KCNAB1: variants seen among roughly 807,000 people sequenced by gnomAD.
The protein encoded by KCNAB1 is potassium voltage-gated channel subfamily A regulatory beta subunit 1.
In KCNAB1, 35 loss-of-function variants were observed where a neutral mutation model predicts 64.6. The ratio of observed to expected loss-of-function variants is 0.54; its 90% CI spans 0.41 to 0.72. The LOEUF is 0.72. KCNAB1 is among the 30% of genes least tolerant of loss of function. The pLI, the probability that KCNAB1 is intolerant of heterozygous loss-of-function variation, is 0.00. For missense variants in KCNAB1, 401 were observed against 512.9 expected, an observed-to-expected ratio of 0.78 and a Z score of 2.11; for synonymous variants, 177 against 183.8, an observed-to-expected ratio of 0.96 and a Z score of 0.30.
intron 1 of KCNAB1, among the ~76,000 whole-genome samples, chr3:156,383,307 G>A (rs747877610): frequency 2.6e-5 from 4 of 152,166 alleles, no homozygotes; most frequent in Non-Finnish European, 4.4e-5. Flanking sequence ...AACATTTCCT[G>A]CCACTAGAAT....
rs116134923 is a variant in KCNAB1 at position 156,213,533 on chromosome 3, C to T, written c.275+92647C>T. Among the ~76,000 whole-genome samples the T allele has an allele frequency of 7.2e-3, 1,097 of 152,216 alleles. 18 individuals are homozygous for T. Among genetic ancestry groups the T allele is most frequent in the African/African-American group, 0.026 (1,078 of 41,530 alleles). ...TCAGCCTTTTTCCCTTTCTTAAGCT[C>T]CATCTCTAATAAGTTGCAAGATTCT... On this transcript the variant is annotated intron_variant, in intron 1 of 13. Transcript: ENST00000490337.
chr3:156,206,782 G>A (rs899957829), intron 1 of KCNAB1, among the ~76,000 whole-genome samples: 6 of 152,054 alleles, frequency 3.9e-5, no homozygotes, highest in African/African-American at 1.4e-4. Context: ...TTTTCTGCTT[G>A]GCTATGTAAG....
intron 1 of KCNAB1, among the ~76,000 whole-genome samples, chr3:156,206,970 A>G (rs971109725): frequency 3.3e-5 from 5 of 152,216 alleles, no homozygotes; most frequent in African/African-American, 1.2e-4. Flanking sequence ...AGGACGTGAC[A>G]TTGTCTGTCC....
intron 1 of KCNAB1, among the ~76,000 whole-genome samples, chr3:156,308,025 A>C (rs1721626208): frequency 6.6e-6 from 1 of 152,222 alleles, no homozygotes; most frequent in South Asian, 2.1e-4. Context: ...AAACAAGTAA[A>C]TGTTTAGCAT....
chr3:156,462,737 A>C (rs893835532), intron 5 of KCNAB1, among the ~76,000 whole-genome samples: 9 of 152,300 alleles, frequency 5.9e-5, no homozygotes, highest in African/African-American at 1.9e-4. Flanking sequence ...TAAACGCCTT[A>C]TTTCAAGCGC....
intron 1 of KCNAB1, among the ~76,000 whole-genome samples, chr3:156,134,547 A>T (rs557109313): frequency 6.6e-6 from 1 of 152,228 alleles, no homozygotes; most frequent in Non-Finnish European, 1.5e-5. Context: ...GTTGTGTTTT[A>T]TCTGGAAAGG....
intron 8 of KCNAB1, among the ~76,000 whole-genome samples, chr3:156,502,532 C>CCACACACACACA (rs60469602): frequency 2.1e-5 from 3 of 142,914 alleles, no homozygotes; most frequent in South Asian, 2.2e-4. Flanking sequence ...TACCTTACAA[C>CCACACACACACA]CACACACACA....
intron 1 of KCNAB1, among the ~76,000 whole-genome samples, chr3:156,261,910 A>G (rs1362949671): frequency 6.6e-6 from 1 of 152,006 alleles, no homozygotes; most frequent in Non-Finnish European, 1.5e-5. Context: ...AACGTTTTGT[A>G]GTAATCAGTA....
At chr3:156,517,826 AC>A (rs1392129511) in intron 11 of KCNAB1, among the ~76,000 whole-genome samples, 2 of 152,244 alleles carry the variant, frequency 1.3e-5, no homozygotes, top group Non-Finnish European at 2.9e-5. Context: ...TGAGAGGCAG[AC>A]CATTTTCAGA....
chr3:156,270,697 T>C (rs1251979348), intron 1 of KCNAB1, among the ~76,000 whole-genome samples: 2 of 152,256 alleles, frequency 1.3e-5, no homozygotes, highest in Non-Finnish European at 2.9e-5. Context: ...CATCTTTTCA[T>C]CTTTCTACTT....
At chr3:156,476,530 C>CAA (rs1270523889) in intron 8 of KCNAB1, among the ~76,000 whole-genome samples, 1 of 149,388 alleles carries the variant, frequency 6.7e-6, no homozygotes, top group East Asian at 2.0e-4. Flanking sequence ...TATACACACA[C>CAA]ACACACACAC....
In KCNAB1 at chr3:156,469,038, C is replaced by T. The variant is rs78723613; in HGVS notation, c.571+3352C>T. ...GCAGCAGTATGTTTCCCGAAAAGTT[C>T]TTGTTTTTTGTTCTTTTCTTTTTAA... On this transcript the variant is annotated intron_variant, in intron 7 of 13. Coordinates refer to ENST00000490337, the MANE Select transcript of KCNAB1 (RefSeq NM_172160.3). Among the ~76,000 whole-genome samples the T allele has an allele frequency of 9.7e-3, 1,472 of 152,216 alleles. 36 individuals are homozygous for T. The highest frequency in any genetic ancestry group is 0.034 in the African/African-American group (1,420 of 41,530).
chr3:156,445,469 G>A (rs997066627), intron 2 of KCNAB1, among the ~76,000 whole-genome samples: 1 of 152,334 alleles, frequency 6.6e-6, no homozygotes, highest in South Asian at 2.1e-4. Context: ...GGGGTGTGGT[G>A]AGGAATCAGG....
At chr3:156,336,684 G>A (rs537680301) in intron 1 of KCNAB1, among the ~76,000 whole-genome samples, 18 of 152,116 alleles carry the variant, frequency 1.2e-4, no homozygotes, top group Non-Finnish European at 2.2e-4. Context: ...AGATTCTAAG[G>A]GAGTGTTCTT....
intron 1 of KCNAB1, among the ~76,000 whole-genome samples, chr3:156,329,810 C>T (rs1278040028): frequency 5.3e-5 from 8 of 152,190 alleles, no homozygotes. Flanking sequence ...GTAGACACAA[C>T]TCTCCTTTGA....
intron 1 of KCNAB1, among the ~76,000 whole-genome samples, chr3:156,377,433 G>A (rs1711761673): frequency 6.6e-6 from 1 of 152,130 alleles, no homozygotes; most frequent in African/African-American, 2.4e-5. Flanking sequence ...GGGGAAGAAT[G>A]CCAGGCCAGG....
At chr3:156,403,892 T>TAAAAAAAAA (rs200824639) in intron 1 of KCNAB1, among the ~76,000 whole-genome samples, 2 of 136,840 alleles carry the variant, frequency 1.5e-5, no homozygotes, top group Admixed American at 7.3e-5. Flanking sequence ...AGACTCTGCC[T>TAAAAAAAAA]AAAAAAAAAA....
At position 156,181,616 on chromosome 3, in the gene KCNAB1, G is replaced by A. The variant is rs118112068; in HGVS notation, c.275+60730G>A. On this transcript the variant is annotated intron_variant, in intron 1 of 13. Coordinates refer to ENST00000490337, the MANE Select transcript of KCNAB1 (RefSeq NM_172160.3). ...GATGAGGATGTGAATGAGCAGGCCAGTAATGGTGGTAGGTACATGAACACA... is the reference window on the plus strand; with the variant it reads ...GATGAGGATGTGAATGAGCAGGCCAATAATGGTGGTAGGTACATGAACACA... Among the ~76,000 whole-genome samples the A allele has an allele frequency of 3.3e-3, 503 of 152,298 alleles. 21 individuals are homozygous for A. The South Asian group carries it at 0.058, about 17-fold the overall frequency.
intron 1 of KCNAB1, among the ~76,000 whole-genome samples, chr3:156,411,022 C>T (rs1369551884): frequency 6.6e-6 from 1 of 152,154 alleles, no homozygotes; most frequent in African/African-American, 2.4e-5. Flanking sequence ...AACCTTCAAA[C>T]TGTTTTTCAA....
Sources: gnomAD v4.1 joint callset for allele counts (sites outside exome capture counted in the v4.1 genomes callset) on GRCh38, gnomAD v4.1.1 for gene constraint, MANE v1.5 for transcripts, NCBI Gene and HGNC (gene_info 2026-07-23, HGNC 2026-07-21) for gene names.